GRB2: variants seen among roughly 807,000 people sequenced by gnomAD.
GRB2 encodes the protein growth factor receptor-bound protein 2.
A neutral mutation model predicts 27.4 loss-of-function variants in GRB2; 2 were observed. The observed-to-expected ratio is 0.07, with a 90% CI of 0.03 to 0.23. GRB2 has a LOEUF of 0.23. GRB2 is among the 10% of genes least tolerant of loss of function. The pLI is 1.00. For missense variants in GRB2, 102 were observed against 282.4 expected (o/e 0.36, Z 4.58); for synonymous variants, 94 against 99.6 (o/e 0.94, Z 0.33).
chr17:75,367,833 A>G (rs1294236349), intron 2 of GRB2, among the ~76,000 whole-genome samples: 1 of 151,698 alleles, frequency 6.6e-6, no homozygotes, highest in Non-Finnish European at 1.5e-5. Context: ...TCATCTAATC[A>G]TTAAATCCTG....
At chr17:75,395,124 A>G (rs574446967) in intron 1 of GRB2, among the ~76,000 whole-genome samples, 1 of 152,208 alleles carries the variant, frequency 6.6e-6, no homozygotes, top group South Asian at 2.1e-4. Flanking sequence ...AAAGTTGACA[A>G]TTGGGGCACT....
intron 2 of GRB2, among the ~76,000 whole-genome samples, chr17:75,389,056 C>T (rs781285751): frequency 2.4e-4 from 36 of 152,134 alleles, no homozygotes; most frequent in Non-Finnish European, 4.6e-4. Context: ...AGGCTTGGGG[C>T]CCCAGCCTTG....
At chr17:75,362,392 C>G (rs1357691277) in intron 2 of GRB2, among the ~76,000 whole-genome samples, 2 of 152,054 alleles carry the variant, frequency 1.3e-5, no homozygotes, top group African/African-American at 2.4e-5. Flanking sequence ...TTTCACCCTC[C>G]AAGAACCAAA....
At chr17:75,387,755 G>A (rs1240080563) in intron 2 of GRB2, 1 of 151,766 alleles carries the variant, frequency 6.6e-6, no homozygotes, top group Non-Finnish European at 1.5e-5. Context: ...CCAAGATCGT[G>A]CGATTGCACT....
At chr17:75,344,282 G>A (rs951581765) in intron 2 of GRB2, 2 of 152,084 alleles carry the variant, frequency 1.3e-5, no homozygotes, top group African/African-American at 2.4e-5. Flanking sequence ...TTGTTTGGCT[G>A]CTATTAACTA....
intron 2 of GRB2, among the ~76,000 whole-genome samples, chr17:75,336,596 A>G (rs2078578625): frequency 6.6e-6 from 1 of 152,112 alleles, no homozygotes; most frequent in Non-Finnish European, 1.5e-5. Context: ...CCCCCAACAA[A>G]CACAACTCCA....
intron 2 of GRB2, among the ~76,000 whole-genome samples, chr17:75,339,722 G>A (rs2078607852): frequency 1.3e-5 from 2 of 151,208 alleles, no homozygotes; most frequent in South Asian, 2.1e-4. Context: ...TGCCTCCTGG[G>A]TTCAAGTGAT....
rs1266786642 is a variant in GRB2, at chr17:75,393,781, G to A, written c.-137-16C>T. ...CAATGCCACCCTGAAGCAGGAGAGG[G>A]ACGATTAAGAGCAGTGGCCAGGATT... On this transcript the variant is annotated splice_polypyrimidine_tract_variant and intron_variant, in intron 1 of 5. Coordinates refer to ENST00000316804, the MANE Select transcript of GRB2 (RefSeq NM_002086.5). 1 of 635,136 alleles carries A rather than the reference G, an allele frequency of 1.6e-6. No individual in the cohort carries two copies. Among genetic ancestry groups the A allele is most frequent in the African/African-American group, 1.8e-5 (1 of 54,796 alleles). 39.3% of individuals were successfully genotyped at this position (635,136 alleles called of 1,614,324 possible).
chr17:75,402,308 CAG>C (rs2079068784), intron 1 of GRB2, among the ~76,000 whole-genome samples: 2 of 152,216 alleles, frequency 1.3e-5, no homozygotes, highest in South Asian at 4.1e-4. Context: ...TCTACAGACT[CAG>C]AAGAATTCTC....
At chr17:75,321,052 C>T (rs1036708973) in intron 5 of GRB2, among the ~76,000 whole-genome samples, 1 of 152,054 alleles carries the variant, frequency 6.6e-6, no homozygotes, top group Non-Finnish European at 1.5e-5. Context: ...TCATAATTTG[C>T]TTCCAGGGAC....
intron 2 of GRB2, among the ~76,000 whole-genome samples, chr17:75,391,706 G>A (rs2078999706): frequency 6.6e-6 from 1 of 151,792 alleles, no homozygotes; most frequent in Non-Finnish European, 1.5e-5. Context: ...TACTCGGGAG[G>A]CTGAGGCAGG....
Position 75,338,368 on chromosome 17 carries a change from A to G in GRB2, c.79-5571T>C, listed in dbSNP as rs775395810. On this transcript the variant is annotated intron_variant, in intron 2 of 5. Transcript: ENST00000316804. ...GCATGAGCCACCGTGCCCGGCCACA[A>G]ATAATTTTTAAAGGCCTAGTCAGAC... Among the ~76,000 whole-genome samples, 118 of 152,264 alleles carry G rather than the reference A, an allele frequency of 7.7e-4. No homozygotes were observed. In the Middle Eastern group the frequency reaches 0.024, roughly 31 times the overall value.
chr17:75,353,761 A>G (rs1567864795), intron 2 of GRB2, among the ~76,000 whole-genome samples: 2 of 150,390 alleles, frequency 1.3e-5, no homozygotes, highest in African/African-American at 4.9e-5. Context: ...AATTCTGGCC[A>G]GGTACAGTGG....
intron 2 of GRB2, among the ~76,000 whole-genome samples, chr17:75,336,517 C>G (rs2078578010): frequency 6.6e-6 from 1 of 152,114 alleles, no homozygotes; most frequent in African/African-American, 2.4e-5. Flanking sequence ...GCCAGGAGTT[C>G]ATAGAGCTAC....
intron 2 of GRB2, among the ~76,000 whole-genome samples, chr17:75,366,268 A>C (rs911101243): frequency 1.3e-5 from 2 of 151,988 alleles, no homozygotes; most frequent in African/African-American, 4.8e-5. Flanking sequence ...CAATACACAC[A>C]TAACTCGACT....
intron 2 of GRB2, among the ~76,000 whole-genome samples, chr17:75,392,586 G>T (rs994080054): frequency 6.6e-6 from 1 of 152,062 alleles, no homozygotes. Context: ...TTTCATTCAG[G>T]GGTAGTAAAC....
intron 2 of GRB2, among the ~76,000 whole-genome samples, chr17:75,365,988 T>A (rs2078816669): frequency 6.6e-6 from 1 of 152,226 alleles, no homozygotes; most frequent in Non-Finnish European, 1.5e-5. Flanking sequence ...CAAGTCTTAC[T>A]CTTCCTTTAA....
At chr17:75,382,224 A>G (rs1298688346) in intron 2 of GRB2, among the ~76,000 whole-genome samples, 6 of 3,774 alleles carry the variant, frequency 1.6e-3, no homozygotes, top group African/African-American at 1.9e-3. Context: ...TCCGTCTCCA[A>G]AAAAAAAAAG....
chr17:75,320,605 GC>G lies in GRB2; in HGVS notation c.469-53del. 1 of 1,445,600 alleles carries G rather than the reference GC, an allele frequency of 6.9e-7. No homozygotes were observed. The highest frequency in any genetic ancestry group is 9.7e-7 in the Non-Finnish European group (1 of 1,031,742). 89.5% of individuals were successfully genotyped at this position (1,445,600 alleles called of 1,614,324 possible). A position where few individuals can be genotyped will look rare whatever the true frequency, so the allele number is the denominator to read the frequency against. On this transcript the variant is annotated intron_variant, in intron 5 of 5. Coordinates refer to ENST00000316804, the MANE Select transcript of GRB2 (RefSeq NM_002086.5). The surrounding 1 kb of genome is among the most constrained non-coding windows in gnomAD (Gnocchi z 4.3). The stretch of plus-strand genomic sequence containing the variant: ...ACATTGCATTCCTGGTCTGTGACTG[GC>G]CACCTCCGAGGCCAGATGGGTTCCA...
Sources: allele counts gnomAD v4.1 joint callset (sites outside exome capture counted in the v4.1 genomes callset), GRCh38; gene constraint gnomAD v4.1.1; non-coding constraint Gnocchi (gnomAD v3.1); transcripts MANE v1.5; gene names NCBI Gene and HGNC (gene_info 2026-07-23, HGNC 2026-07-21).